Variants in QTMAN observed in about 807,000 individuals in gnomAD.
QTMAN encodes the protein queuosine-tRNA mannosyltransferase.
the QTMAN span, chr2:144,006,162 C>G: frequency 3.3e-5 from 5 of 152,062 alleles, no homozygotes; most frequent in Non-Finnish European, 7.4e-5. Flanking sequence ...TATGAAGTTG[C>G]ACAAACAAAT....
chr2:144,063,605 G>A, the QTMAN span, among the ~76,000 whole-genome samples: 2 of 152,048 alleles, frequency 1.3e-5, no homozygotes, highest in Non-Finnish European at 2.9e-5. Context: ...CTAAGAGTAG[G>A]TCATTTTTGC....
At chr2:144,133,231 TTATATTTATA>T in the QTMAN span, among the ~76,000 whole-genome samples, 830 of 31,714 alleles carry the variant, frequency 0.026, 7 homozygotes, top group Non-Finnish European at 0.039. Context: ...AAATATATAT[TTATATTTATA>T]TATAAATATA....
the QTMAN span, among the ~76,000 whole-genome samples, chr2:143,960,527 A>G: frequency 1.3e-5 from 2 of 152,124 alleles, no homozygotes; most frequent in Admixed American, 1.3e-4. Flanking sequence ...TAAGATCAGA[A>G]GAGAAGGTGA....
the QTMAN span, among the ~76,000 whole-genome samples, chr2:144,183,443 G>C: frequency 1.3e-4 from 20 of 151,850 alleles, no homozygotes; most frequent in Non-Finnish European, 2.8e-4. Flanking sequence ...TGTAATACTT[G>C]TCCAACAGTT....
chr2:143,980,703 A>G, the QTMAN span, among the ~76,000 whole-genome samples: 3 of 152,226 alleles, frequency 2.0e-5, no homozygotes, highest in Non-Finnish European at 4.4e-5. Context: ...ATAAATAAAG[A>G]TTTGTTTGCT....
chr2:144,094,559 T>C, the QTMAN span, among the ~76,000 whole-genome samples: 1 of 152,116 alleles, frequency 6.6e-6, no homozygotes, highest in African/African-American at 2.4e-5. Flanking sequence ...GGAGAATAAG[T>C]GCAAGCAGGG....
At chr2:144,157,198 C>T in the QTMAN span, among the ~76,000 whole-genome samples, 2 of 152,072 alleles carry the variant, frequency 1.3e-5, no homozygotes, top group African/African-American at 2.4e-5. Context: ...CTTCTCTCCA[C>T]ACAACGTAGA....
the QTMAN span, among the ~76,000 whole-genome samples, chr2:144,260,859 T>C: frequency 6.6e-6 from 1 of 152,064 alleles, no homozygotes; most frequent in Non-Finnish European, 1.5e-5. Context: ...ATAAATTTTT[T>C]TGTAATACAG....
chr2:144,236,354 G>A, the QTMAN span, among the ~76,000 whole-genome samples: 1 of 152,086 alleles, frequency 6.6e-6, no homozygotes, highest in Admixed American at 6.6e-5. Flanking sequence ...ACACAGTCCT[G>A]TGATCCCTGT....
At chr2:144,051,208 G>T in the QTMAN span, among the ~76,000 whole-genome samples, 5 of 148,984 alleles carry the variant, frequency 3.4e-5, no homozygotes, top group Non-Finnish European at 7.4e-5. Flanking sequence ...AGTTTTTGGG[G>T]TGTGTGTGTG....
chr2:144,019,770 T>C, the QTMAN span, among the ~76,000 whole-genome samples: 6 of 152,288 alleles, frequency 3.9e-5, 1 homozygote, highest in South Asian at 1.2e-3. Flanking sequence ...AGTACACCCA[T>C]TCATTGGTGA....
chr2:144,244,412 A>T, the QTMAN span, among the ~76,000 whole-genome samples: 1 of 152,234 alleles, frequency 6.6e-6, no homozygotes, highest in Non-Finnish European at 1.5e-5. Flanking sequence ...AACTTGCTAA[A>T]GCCCTGCAAA....
the QTMAN span, among the ~76,000 whole-genome samples, chr2:144,087,854 GA>G: frequency 1.3e-5 from 2 of 152,034 alleles, no homozygotes; most frequent in Admixed American, 1.3e-4. Context: ...AGTGAATAGA[GA>G]AAAGCTGAAA....
chr2:144,210,858 T>C, the QTMAN span: 1 of 152,180 alleles, frequency 6.6e-6, no homozygotes, highest in African/African-American at 2.4e-5. Context: ...CTTGCTTTAT[T>C]TCCTCTGACT....
chr2:144,209,959 T>C, the QTMAN span, among the ~76,000 whole-genome samples: 1 of 151,900 alleles, frequency 6.6e-6, no homozygotes. Flanking sequence ...TAATGGCTAC[T>C]TAAATTGCAT....
the QTMAN span, among the ~76,000 whole-genome samples, chr2:144,292,736 C>T: frequency 1.3e-5 from 2 of 152,062 alleles, no homozygotes; most frequent in South Asian, 2.1e-4. Context: ...CTAAAGGAAG[C>T]TATAACTTAC....
the QTMAN span, among the ~76,000 whole-genome samples, chr2:144,236,469 G>A: frequency 6.6e-6 from 1 of 151,792 alleles, no homozygotes; most frequent in Non-Finnish European, 1.5e-5. Context: ...GGATTCCTAA[G>A]AATATCAATT....
chr2:144,201,444 G>A, the QTMAN span, among the ~76,000 whole-genome samples: 3 of 152,204 alleles, frequency 2.0e-5, no homozygotes, highest in African/African-American at 2.4e-5. Context: ...CCCAGATTGC[G>A]TGGACCACAG....
At chr2:143,941,524 A>T in the QTMAN span, 1 of 151,944 alleles carries the variant, frequency 6.6e-6, no homozygotes, top group Non-Finnish European at 1.5e-5. Flanking sequence ...AATACAAAAA[A>T]ATTAGCCGGG....
Sources: gnomAD v4.1 joint callset for allele counts (sites outside exome capture counted in the v4.1 genomes callset) on GRCh38, gnomAD v4.1.1 for gene constraint, MANE v1.5 for transcripts, NCBI Gene and HGNC (gene_info 2026-07-23, HGNC 2026-07-21) for gene names.